CELF4: variants seen among roughly 807,000 people sequenced by gnomAD.
CELF4 encodes the protein CUGBP Elav-like family member 4.
A neutral mutation model predicts 59.9 loss-of-function variants in CELF4; 18 were observed. That is an observed-to-expected ratio of 0.30 (90% CI 0.21 to 0.45). The LOEUF (loss-of-function observed/expected upper bound fraction) is 0.45, where lower values mean the gene tolerates loss of function less well. Ranked by LOEUF, CELF4 falls within the 20% of genes least tolerant of loss-of-function variation. The pLI, the probability that CELF4 is intolerant of heterozygous loss-of-function variation, is 1.00. For missense variants in CELF4, 456 were observed against 689.0 expected (o/e 0.66, Z 3.79); for synonymous variants, 261 against 267.1 (o/e 0.98, Z 0.22).
chr18:37,285,287 C>T (rs901522596), intron 3 of CELF4, among the ~76,000 whole-genome samples: 1 of 152,220 alleles, frequency 6.6e-6, no homozygotes, highest in Admixed American at 6.5e-5. Context: ...AGTCCTCTGG[C>T]CTTCCCCTCC....
chr18:37,456,276 T>C (rs917160624), intron 2 of CELF4, among the ~76,000 whole-genome samples: 4 of 152,040 alleles, frequency 2.6e-5, no homozygotes, highest in Non-Finnish European at 4.4e-5. Flanking sequence ...GAACCCTCCA[T>C]TGTGGGGCTT....
chr18:37,264,746 G>T lies in CELF4; in HGVS notation c.1177C>A (p.Pro393Thr), dbSNP rs149959917. ...TGGCTTATCTGACCATAGGCAGCAG[G>T]GTAGGCAGCTGCTGGAGGCCCAAGA... Reference protein sequence around the residue: ...VQQYAGPAAYPAAYGQISQAF... With the variant: ...VQQYAGPAAYTAAYGQISQAF... Residue 393 changes from proline to threonine, a missense_variant, in exon 10 of 13, where the codon CCT becomes ACT. By Grantham distance (38) the Pro-to-Thr change is conservative. Coordinates refer to ENST00000420428, the MANE Select transcript of CELF4 (RefSeq NM_020180.4). 10 of 1,574,264 alleles carry T rather than the reference G, an allele frequency of 6.4e-6. No individual in the cohort carries two copies. Among genetic ancestry groups the T allele is most frequent in the African/African-American group, 2.7e-5 (2 of 74,108 alleles).
At chr18:37,357,571 G>A (rs1032998986) in intron 2 of CELF4, among the ~76,000 whole-genome samples, 3 of 152,186 alleles carry the variant, frequency 2.0e-5, no homozygotes, top group Non-Finnish European at 2.9e-5. Flanking sequence ...AATCCCTACT[G>A]GGGCACTGCC....
chr18:37,380,398 G>T (rs1294277132), intron 2 of CELF4, among the ~76,000 whole-genome samples: 1 of 152,086 alleles, frequency 6.6e-6, no homozygotes, highest in Non-Finnish European at 1.5e-5. Flanking sequence ...TCATGTCTTT[G>T]CCCAATTGCC....
intron 2 of CELF4, among the ~76,000 whole-genome samples, chr18:37,382,878 C>T (rs895983209): frequency 1.3e-5 from 2 of 152,110 alleles, no homozygotes; most frequent in South Asian, 2.1e-4. Flanking sequence ...GAAATGTAAG[C>T]GCCCTGACCC....
chr18:37,248,011 C>T (rs1242141585), intron 12 of CELF4, among the ~76,000 whole-genome samples: 1 of 152,150 alleles, frequency 6.6e-6, no homozygotes, highest in Admixed American at 6.5e-5. Flanking sequence ...ATGGTAACTG[C>T]TGTGTCCACG....
At chr18:37,299,317 T>C (rs2095855869) in intron 3 of CELF4, among the ~76,000 whole-genome samples, 1 of 152,192 alleles carries the variant, frequency 6.6e-6, no homozygotes. Context: ...TTGATTTATA[T>C]GTTGTTTATA....
rs990610828 is a variant in CELF4, at chr18:37,245,440, G to A, written c.*45-243C>T. On this transcript the variant is annotated intron_variant, in intron 12 of 12. Transcript: ENST00000420428. This position sits in a 1 kb window ranked among gnomAD's most constrained non-coding sequence, Gnocchi z 4.1. ...TGATGGTTGTAGCTGAGGTTTCGTTGTTGGGAGAAGGTTCTTGATTTGGGT... is the reference window on the plus strand; with the variant it reads ...TGATGGTTGTAGCTGAGGTTTCGTTATTGGGAGAAGGTTCTTGATTTGGGT... Among the ~76,000 whole-genome samples, 1 of 152,174 alleles carries A rather than the reference G, an allele frequency of 6.6e-6. No individual in the cohort carries two copies. Among genetic ancestry groups the A allele is most frequent in the African/African-American group, 2.4e-5 (1 of 41,444 alleles).
chr18:37,443,595 C>T (rs1369057672), intron 2 of CELF4, among the ~76,000 whole-genome samples: 2 of 152,290 alleles, frequency 1.3e-5, no homozygotes, highest in East Asian at 3.9e-4. Flanking sequence ...CCCTGAATGG[C>T]TGGAGAGTGG....
intron 2 of CELF4, among the ~76,000 whole-genome samples, chr18:37,430,986 G>C (rs1439483019): frequency 6.6e-6 from 1 of 152,182 alleles, no homozygotes; most frequent in Non-Finnish European, 1.5e-5. Flanking sequence ...ACCCTGGTCT[G>C]GGGAACTTGG....
intron 3 of CELF4, among the ~76,000 whole-genome samples, chr18:37,318,713 T>G (rs530581959): frequency 6.8e-6 from 1 of 147,666 alleles, no homozygotes; most frequent in Non-Finnish European, 1.5e-5. Context: ...ACAGGAGATA[T>G]ATGGGAGAAA....
chr18:37,465,863 C>T (rs1035999737), intron 2 of CELF4, among the ~76,000 whole-genome samples: 2 of 152,074 alleles, frequency 1.3e-5, no homozygotes, highest in African/African-American at 4.8e-5. Flanking sequence ...AGATGAGAGC[C>T]ACAACATGGG....
chr18:37,262,586 C>T (rs72900315), intron 10 of CELF4, among the ~76,000 whole-genome samples: 13,208 of 152,120 alleles, frequency 0.087, 772 homozygotes, highest in Middle Eastern at 0.16. Flanking sequence ...CATTGACCTA[C>T]GGCTGTGTGA....
chr18:37,409,393 A>T (rs547794400), intron 2 of CELF4, among the ~76,000 whole-genome samples: 6 of 152,252 alleles, frequency 3.9e-5, no homozygotes, highest in African/African-American at 1.4e-4. Flanking sequence ...TCCCCCAAGG[A>T]TGCCTCATTG....
chr18:37,257,861 C>G (rs770149206), intron 11 of CELF4, among the ~76,000 whole-genome samples: 4 of 151,906 alleles, frequency 2.6e-5, no homozygotes, highest in Non-Finnish European at 5.9e-5. Context: ...CCAGAAGGAA[C>G]GGATGAAGGA....
In CELF4 at chr18:37,274,665, C is replaced by T. The variant is rs1022372133; in HGVS notation, c.657+140G>A. 44 of 1,480,874 alleles carry T rather than the reference C, an allele frequency of 3.0e-5. No homozygotes were observed. The African/African-American group carries it at 5.9e-4, about 20-fold the overall frequency. 91.7% of individuals were successfully genotyped at this position (1,480,874 alleles called of 1,614,324 possible). On this transcript the variant is annotated intron_variant, in intron 5 of 12. Transcript: ENST00000420428. ...CCAGTTCCTTAACATCCCTGGGCTTCCGCGTCCTTGTCTGAGGCCCGGAAT... is the reference window on the plus strand; with the variant it reads ...CCAGTTCCTTAACATCCCTGGGCTTTCGCGTCCTTGTCTGAGGCCCGGAAT...
chr18:37,447,361 G>T (rs2099750989), intron 2 of CELF4, among the ~76,000 whole-genome samples: 2 of 152,222 alleles, frequency 1.3e-5, no homozygotes, highest in African/African-American at 4.8e-5. Context: ...CCTGGGAAGG[G>T]CTTCAGGTGT....
intron 3 of CELF4, among the ~76,000 whole-genome samples, chr18:37,294,702 A>G (rs1280902480): frequency 2.0e-5 from 3 of 152,190 alleles, no homozygotes; most frequent in Admixed American, 6.5e-5. Flanking sequence ...TTGTCTCCAC[A>G]GTGTCTCAAG....
chr18:37,439,536 G>T (rs2099705243), intron 2 of CELF4, among the ~76,000 whole-genome samples: 1 of 152,144 alleles, frequency 6.6e-6, no homozygotes, highest in East Asian at 1.9e-4. Flanking sequence ...CTCTGACACT[G>T]TGTGCCTTCT....
Sources: allele counts gnomAD v4.1 joint callset (sites outside exome capture counted in the v4.1 genomes callset), GRCh38; gene constraint gnomAD v4.1.1; non-coding constraint Gnocchi (gnomAD v3.1); transcripts MANE v1.5; gene names NCBI Gene and HGNC (gene_info 2026-07-23, HGNC 2026-07-21).